WDR19: variants seen among roughly 807,000 people sequenced by gnomAD.
WDR19 encodes WD repeat-containing protein 19.
WDR19 carries 121 observed loss-of-function variants against 180.0 expected under a neutral mutation model. That is an observed-to-expected ratio of 0.67 (90% confidence interval 0.58 to 0.78). The LOEUF is 0.78. Among genes scored for constraint, WDR19 ranks in the 30% least tolerant of loss-of-function variants. The pLI is 0.00. For missense variants in WDR19, 1,450 were observed against 1,640.7 expected, an observed-to-expected ratio of 0.88 and a Z score of 2.01; for synonymous variants, 497 against 540.7, an observed-to-expected ratio of 0.92 and a Z score of 1.12.
rs182706784 is a variant in WDR19 at position 39,280,956 on chromosome 4, C to T, written c.*13+2293C>T. The stretch of plus-strand genomic sequence containing the variant: ...TTTTGCATGTAGATATCCAGCTGAC[C>T]CGGCAGAATTTGCTGAAAAGACAAA... On this transcript the variant is annotated intron_variant, in intron 36 of 36. Coordinates refer to ENST00000399820, the MANE Select transcript of WDR19 (RefSeq NM_025132.4). 2.4e-4 allele frequency among the ~76,000 whole-genome samples: 36 copies of T among 152,036 alleles called. No homozygotes were observed. The East Asian group carries it at 5.2e-3, about 22-fold the overall frequency.
rs75651505 is a variant in WDR19 at position 39,186,066 on chromosome 4, A to C, written c.98+249A>C. 1.6e-4 allele frequency among the ~76,000 whole-genome samples: 24 copies of C among 152,280 alleles called. 2 individuals are homozygous for C. In the East Asian group the frequency reaches 4.6e-3, roughly 29 times the overall value. ...CAGGAAAAGGAATATATTCATCTCC[A>C]TTAACATGAAAGTTCATAGAACCTT... is the stretch of plus-strand genomic sequence containing the variant. On this transcript the variant is annotated intron_variant, in intron 2 of 36. Transcript: ENST00000399820.
intron 7 of WDR19, among the ~76,000 whole-genome samples, chr4:39,204,803 G>A (rs190472192): frequency 5.1e-4 from 78 of 152,288 alleles, no homozygotes; most frequent in Non-Finnish European, 8.8e-4. Context: ...TCTTAGAGTG[G>A]AAGAGTCTTT....
chr4:39,222,490 A>G (rs1729802069), intron 14 of WDR19, among the ~76,000 whole-genome samples: 1 of 152,098 alleles, frequency 6.6e-6, no homozygotes, highest in African/African-American at 2.4e-5. Flanking sequence ...TCTTTGCCTA[A>G]CCCAGCGTCA....
Position 39,238,302 on chromosome 4 carries a change from T to A in WDR19, c.2364-1975T>A, listed in dbSNP as rs1195224839. Among the ~76,000 whole-genome samples, 7 of 152,212 alleles carry A rather than the reference T, an allele frequency of 4.6e-5. No homozygotes were observed. In the South Asian group the frequency reaches 1.4e-3, roughly 32 times the overall value. On this transcript the variant is annotated intron_variant, in intron 20 of 36. Transcript: ENST00000399820. ...AGTGATTAGGTCAAAGCAGGGCCAGTCTATCAGGTCTGGGTGAGATTTAAC... is the reference window on the plus strand; with the variant it reads ...AGTGATTAGGTCAAAGCAGGGCCAGACTATCAGGTCTGGGTGAGATTTAAC...
At chr4:39,200,948 A>G (rs1227255520) in intron 6 of WDR19, among the ~76,000 whole-genome samples, 7 of 152,226 alleles carry the variant, frequency 4.6e-5, no homozygotes, top group Admixed American at 1.3e-4. Flanking sequence ...AGAGGAGATC[A>G]ATGAAAGTTT....
At chr4:39,250,796 AC>A (rs986752374) in intron 24 of WDR19, among the ~76,000 whole-genome samples, 1 of 152,236 alleles carries the variant, frequency 6.6e-6, no homozygotes, top group Non-Finnish European at 1.5e-5. Flanking sequence ...AATGCAACTT[AC>A]AAGGGATGTG....
intron 35 of WDR19, 76 bp downstream of exon 35, chr4:39,278,283 A>T: frequency 7.3e-7 from 1 of 1,377,932 alleles, no homozygotes. Flanking sequence ...TTTTCTTCCG[A>T]AGCATTCTTC....
At chr4:39,276,452 T>C (rs1386753908) in intron 33 of WDR19, among the ~76,000 whole-genome samples, 10 of 152,162 alleles carry the variant, frequency 6.6e-5, no homozygotes. Flanking sequence ...AAATGGTTTA[T>C]AGCTATGTGG....
intron 36 of WDR19, among the ~76,000 whole-genome samples, chr4:39,283,374 A>G (rs1466579966): frequency 7.3e-6 from 1 of 136,900 alleles, no homozygotes. Context: ...ATACTGGTCT[A>G]CAATTTTCCT....
At chr4:39,184,577 G>C (rs1303281321) in intron 1 of WDR19, among the ~76,000 whole-genome samples, 6 of 151,724 alleles carry the variant, frequency 4.0e-5, no homozygotes, top group Admixed American at 1.3e-4. Context: ...AGGGATTCTC[G>C]TGCCTCAGCC....
chr4:39,274,838 T>C lies in WDR19; in HGVS notation c.3596T>C (p.Ile1199Thr), dbSNP rs752447818. The C allele has an allele frequency of 6.8e-6, 11 of 1,614,010 alleles. No homozygotes were observed. Among genetic ancestry groups the C allele is most frequent in the Non-Finnish European group, 9.3e-6 (11 of 1,179,864 alleles). ...HIVPILTSTV[I>T]ECHRAGLKNS... ...GTACCCATCCTGACGTCAACTGTGA[T>C]TGAGTGTCACAGGGCAGGCCTGAAG... is the stretch of plus-strand genomic sequence containing the variant. Residue 1199 changes from isoleucine to threonine, a missense_variant, in exon 33 of 37, where the codon ATT becomes ACT. Transcript: ENST00000399820.
In WDR19 at chr4:39,270,402, C is replaced by T. The variant is rs114591352; in HGVS notation, c.3483+302C>T. Reference sequence around the variant, plus strand: ...TTGTTTTGTTTTGTTTTTGAGACGACGTCTTGCTCTTTACCCAGGCTGGAG... The same window carrying T: ...TTGTTTTGTTTTGTTTTTGAGACGATGTCTTGCTCTTTACCCAGGCTGGAG... On this transcript the variant is annotated intron_variant, in intron 31 of 36. Transcript: ENST00000399820. 6.0e-3 allele frequency among the ~76,000 whole-genome samples: 906 copies of T among 152,122 alleles called. 7 individuals carry two copies. The highest frequency in any genetic ancestry group is 0.021 in the African/African-American group (854 of 41,502).
intron 36 of WDR19, among the ~76,000 whole-genome samples, chr4:39,283,496 CTTCT>C (rs1286208971): frequency 6.6e-6 from 1 of 151,288 alleles, no homozygotes; most frequent in Non-Finnish European, 1.5e-5. Flanking sequence ...CTTGTCTTGC[CTTCT>C]ATTTGACTAA....
chr4:39,183,549 G>A (rs772192570), intron 1 of WDR19, among the ~76,000 whole-genome samples: 1 of 151,984 alleles, frequency 6.6e-6, no homozygotes, highest in Admixed American at 6.6e-5. Flanking sequence ...GCGCCCGGCT[G>A]GAAGGCTCAA....
intron 12 of WDR19, 45 bp downstream of exon 12, chr4:39,216,255 C>A: frequency 6.8e-7 from 1 of 1,460,134 alleles, no homozygotes; most frequent in South Asian, 1.4e-5. Context: ...CACATAATTT[C>A]TGTTCTTATT....
chr4:39,188,099 A>G (rs1422084606), intron 3 of WDR19, among the ~76,000 whole-genome samples: 1 of 152,198 alleles, frequency 6.6e-6, no homozygotes, highest in Non-Finnish European at 1.5e-5. Context: ...GAAAAGGTAA[A>G]TATTTTTATT....
chr4:39,276,752 A>G (rs1454770984), intron 33 of WDR19, among the ~76,000 whole-genome samples: 1 of 152,144 alleles, frequency 6.6e-6, no homozygotes, highest in East Asian at 1.9e-4. Flanking sequence ...AGACCTACCC[A>G]TGCTTTCTGC....
Position 39,270,033 on chromosome 4 carries a change from A to T in WDR19, c.3416A>T (p.Gln1139Leu). ...AGTATGTATGCAGAACTGAAATCCC[A>T]GAAGATCAAAATTCCCTCCGAGATG... The part of the protein sequence containing the change: ...LFSMYAELKS[Q>L]KIKIPSEMAT... Residue 1139 changes from glutamine (Q) to leucine (L), a missense_variant, in exon 31 of 37, where the codon CAG becomes CTG. Gln to Leu is a moderately radical substitution (Grantham distance 113, BLOSUM62 -2). Coordinates refer to ENST00000399820, the MANE Select transcript of WDR19 (RefSeq NM_025132.4). 3 of 1,613,886 alleles carry T rather than the reference A, an allele frequency of 1.9e-6. No individual in the cohort carries two copies. The highest frequency in any genetic ancestry group is 2.5e-6 in the Non-Finnish European group (3 of 1,179,856).
chr4:39,193,458 TAA>T, intron 4 of WDR19, among the ~76,000 whole-genome samples: 1 of 152,162 alleles, frequency 6.6e-6, no homozygotes, highest in Non-Finnish European at 1.5e-5. Context: ...ATGCCCAGCC[TAA>T]AATTAATTTT....
Sources: gnomAD v4.1 joint callset for allele counts (sites outside exome capture counted in the v4.1 genomes callset) on GRCh38, gnomAD v4.1.1 for gene constraint, MANE v1.5 for transcripts, NCBI Gene and HGNC (gene_info 2026-07-23, HGNC 2026-07-21) for gene names.